The following ASH1L variants were observed in gnomAD, a reference collection of about 807,000 sequenced individuals.
ASH1L encodes ASH1 like histone lysine methyltransferase.
ASH1L carries 23 observed loss-of-function variants against 269.0 expected under a neutral mutation model. That is an observed-to-expected ratio of 0.09 (90% CI 0.06 to 0.12). ASH1L has a LOEUF of 0.12. ASH1L is among the 10% of genes least tolerant of loss of function. The pLI is 1.00. For synonymous variants in ASH1L, 1,187 were observed against 1,253.5 expected (o/e 0.95, Z 1.12); for missense variants, 2,912 against 3,567.8 (o/e 0.82, Z 4.68).
chr1:155,535,017 TTTCTC>T (rs914800440), intron 1 of ASH1L, among the ~76,000 whole-genome samples: 1 of 152,004 alleles, frequency 6.6e-6, no homozygotes, highest in African/African-American at 2.4e-5. Context: ...GTGAAACTCT[TTTCTC>T]TACTAAAAAT....
rs189258152 is a variant in ASH1L at position 155,343,987 on chromosome 1, C to T, written c.7981+196G>A. 1.1e-4 allele frequency among the ~76,000 whole-genome samples: 16 copies of T among 152,312 alleles called. No individual in the cohort carries two copies. In the East Asian group the frequency reaches 2.9e-3, roughly 28 times the overall value. ...CCCAGTCTTAAAATTAGCTTTGTAA[C>T]ATGTCTATCATTTCAAATTAGTATT... On this transcript the variant is annotated intron_variant, in intron 22 of 27. Transcript: ENST00000392403. This position sits in a 1 kb window ranked among gnomAD's most constrained non-coding sequence, Gnocchi z 6.1.
chr1:155,357,660 G>A lies in ASH1L; in HGVS notation c.6885C>T (p.Ser2295=), dbSNP rs2085934423. The stretch of plus-strand genomic sequence containing the variant: ...ATTTTTTGTGTGTGGCCATGGGCTG[G>A]CTGTTTTTGCTGCTGGTGAGTCCAT... ...RVNGLTSSKN[S]QPMATHKKSG... is the part of the protein sequence containing the mutation. The change falls in exon 14 of 28, where the codon AGC becomes AGT. Residue 2295 remains serine (S), a synonymous_variant. Coordinates refer to ENST00000392403, the MANE Select transcript of ASH1L (RefSeq NM_018489.3). 1 of 1,613,994 alleles carries A rather than the reference G, an allele frequency of 6.2e-7. No homozygotes were observed. Among genetic ancestry groups the A allele is most frequent in the African/African-American group, 1.3e-5 (1 of 74,898 alleles).
chr1:155,524,131 CCACT>C (rs1344171947), intron 1 of ASH1L, among the ~76,000 whole-genome samples: 4 of 152,180 alleles, frequency 2.6e-5, no homozygotes, highest in Non-Finnish European at 5.9e-5. Context: ...CAACACACAC[CCACT>C]ATCATTTAGT....
At chr1:155,510,311 G>C (rs961892904) in intron 2 of ASH1L, among the ~76,000 whole-genome samples, 4 of 150,656 alleles carry the variant, frequency 2.7e-5, no homozygotes, top group Non-Finnish European at 5.9e-5. Context: ...CTACTCAAGA[G>C]GCTGAGGCAA....
Position 155,521,155 on chromosome 1 carries a change from G to C in ASH1L, c.365C>G (p.Ala122Gly). The C allele has an allele frequency of 6.2e-7, 1 of 1,611,110 alleles. No homozygotes were observed. Among genetic ancestry groups the C allele is most frequent in the Non-Finnish European group, 8.5e-7 (1 of 1,179,392 alleles). Residue 122 changes from alanine (A) to glycine (G), a missense_variant, in exon 2 of 28, where the codon GCA becomes GGA. Physicochemically the swap from Ala to Gly is moderately conservative, Grantham distance 60. This residue lies in a region of ASH1L where 277 missense variants were observed against 367.7 expected (regional missense o/e 0.75). Transcript: ENST00000392403. ...IKTTIKHPRK[A>G]LKSGKMTDEK... The stretch of plus-strand genomic sequence containing the variant: ...ATCCGTCATCTTTCCACTTTTAAGT[G>C]CTTTCCTTGGGTGCTTAATAGTTGT...
rs768699585 is a variant in ASH1L, at chr1:155,479,157, G to A, written c.3713C>T (p.Ser1238Phe). 1.9e-6 allele frequency: 3 copies of A among 1,614,146 alleles called. No homozygotes were observed. Among genetic ancestry groups the A allele is most frequent in the Admixed American group, 1.7e-5 (1 of 60,012 alleles). The part of the protein sequence containing the change: ...EHVSLIPPET[S>F]TVLSSLKEKH... Reference sequence around the variant, plus strand: ...TTCTTTAAGACTGCTTAGCACTGTAGAGGTTTCAGGGGGAATCAGAGAAAC... The same window carrying A: ...TTCTTTAAGACTGCTTAGCACTGTAAAGGTTTCAGGGGGAATCAGAGAAAC... Residue 1238 changes from serine (S) to phenylalanine (F), a missense_variant, in exon 3 of 28, where the codon TCT (serine) becomes TTT (phenylalanine). By Grantham distance (155) the Ser-to-Phe change is radical. Coordinates refer to ENST00000392403, the MANE Select transcript of ASH1L (RefSeq NM_018489.3).
At chr1:155,369,698 T>G (rs1237928803) in intron 12 of ASH1L, among the ~76,000 whole-genome samples, 1 of 152,134 alleles carries the variant, frequency 6.6e-6, no homozygotes, top group Non-Finnish European at 1.5e-5. Flanking sequence ...GTAGAGTGGC[T>G]GAATGAACTG....
chr1:155,405,929 TG>T (rs1283892815), intron 6 of ASH1L, among the ~76,000 whole-genome samples: 3 of 151,262 alleles, frequency 2.0e-5, no homozygotes, highest in Non-Finnish European at 4.4e-5. Context: ...CTTGGCCAGG[TG>T]CTGTAGCTCA....
chr1:155,464,889 T>C (rs1314021952), intron 3 of ASH1L, among the ~76,000 whole-genome samples: 2 of 152,120 alleles, frequency 1.3e-5, no homozygotes, highest in Admixed American at 6.5e-5. Flanking sequence ...AAATCAGGGA[T>C]ACAAACTGTC....
intron 2 of ASH1L, among the ~76,000 whole-genome samples, chr1:155,507,280 CAAA>C (rs796998119): frequency 2.2e-5 from 2 of 90,868 alleles, no homozygotes; most frequent in Admixed American, 1.1e-4. Context: ...AACTCCGTCT[CAAA>C]AAAAAAAAAA....
At chr1:155,517,611 C>A (rs952435133) in intron 2 of ASH1L, among the ~76,000 whole-genome samples, 6 of 150,564 alleles carry the variant, frequency 4.0e-5, no homozygotes, top group Non-Finnish European at 7.4e-5. Flanking sequence ...CCACTGTACT[C>A]CAGCCTAGGC....
chr1:155,412,381 C>A (rs909716088), intron 6 of ASH1L, among the ~76,000 whole-genome samples: 1 of 152,080 alleles, frequency 6.6e-6, no homozygotes, highest in Non-Finnish European at 1.5e-5. Flanking sequence ...TGCACTCCAG[C>A]CTGGTTGACA....
At chr1:155,360,236 G>C (rs1263278405) in intron 13 of ASH1L, 65 bp downstream of exon 13, 3 of 1,092,160 alleles carry the variant, frequency 2.7e-6, no homozygotes, top group African/African-American at 3.1e-5. Context: ...TTTACAGAAA[G>C]CTCATGTTAT....
intron 2 of ASH1L, among the ~76,000 whole-genome samples, chr1:155,491,822 A>G (rs72993496): frequency 1.6e-3 from 243 of 151,828 alleles, no homozygotes; most frequent in African/African-American, 5.7e-3. Context: ...ACAGGGACCC[A>G]CCACCACGTC....
rs554513404 is a variant in ASH1L at position 155,521,547 on chromosome 1, C to G, written c.-28G>C. The G allele has an allele frequency of 3.2e-6, 5 of 1,567,236 alleles. No homozygotes were observed. Among genetic ancestry groups the G allele is most frequent in the South Asian group, 2.4e-5 (2 of 83,544 alleles). ...CAAGCGTATGTTATTGCCAAGGAAT[C>G]TTATGAAAATTTTACAGAACTGTGT... is the stretch of plus-strand genomic sequence containing the variant. On this transcript the variant is annotated 5_prime_UTR_variant, in exon 2 of 28. Coordinates refer to ENST00000392403, the MANE Select transcript of ASH1L (RefSeq NM_018489.3).
intron 16 of ASH1L, 68 bp from the exon 17 acceptor site, chr1:155,352,926 T>A (rs1404986273): frequency 6.9e-7 from 1 of 1,441,952 alleles, no homozygotes; most frequent in African/African-American, 1.4e-5. Context: ...TCTTTCCCAA[T>A]GGATTCCTGC....
At chr1:155,415,577 T>C (rs1443091684) in intron 6 of ASH1L, among the ~76,000 whole-genome samples, 167 bp downstream of exon 6, 2 of 152,152 alleles carry the variant, frequency 1.3e-5, no homozygotes, top group Non-Finnish European at 2.9e-5. Context: ...GGGTAATGTA[T>C]TGACCTTGAC....
chr1:155,468,231 ATT>A (rs141205897), intron 3 of ASH1L, among the ~76,000 whole-genome samples: 1 of 148,824 alleles, frequency 6.7e-6, no homozygotes, highest in Non-Finnish European at 1.5e-5. Flanking sequence ...TATTATTATT[ATT>A]TTTTTTTTCT....
At chr1:155,355,837 G>C (rs1246472732) in intron 15 of ASH1L, among the ~76,000 whole-genome samples, 1 of 151,024 alleles carries the variant, frequency 6.6e-6, no homozygotes, top group Non-Finnish European at 1.5e-5. Context: ...ATTCTTATCT[G>C]AATACAGGGA....
Sources: gnomAD v4.1 joint callset for allele counts (sites outside exome capture counted in the v4.1 genomes callset) on GRCh38, gnomAD v4.1.1 for gene constraint, gnomAD v4.1.1 regional missense constraint, Gnocchi (gnomAD v3.1) non-coding constraint, MANE v1.5 for transcripts, NCBI Gene and HGNC (gene_info 2026-07-23, HGNC 2026-07-21) for gene names.